USP18: variants seen among roughly 807,000 people sequenced by gnomAD.
The protein encoded by USP18 is ubl carboxyl-terminal hydrolase 18.
In USP18, 11 loss-of-function variants were observed where a neutral mutation model predicts 48.7. The observed-to-expected ratio is 0.23, with a 90% CI of 0.14 to 0.37. USP18 has a LOEUF of 0.37. Ranked by LOEUF, USP18 falls within the 10% of genes least tolerant of loss-of-function variation. USP18 has a pLI of 1.00. For synonymous variants in USP18, 114 were observed against 163.2 expected (o/e 0.70, Z 2.30); for missense variants, 285 against 436.4 (o/e 0.65, Z 3.09).
At chr22:18,165,569 A>C (rs1354466082) in intron 4 of USP18, among the ~76,000 whole-genome samples, 1 of 144,810 alleles carries the variant, frequency 6.9e-6, no homozygotes, top group African/African-American at 2.6e-5. Flanking sequence ...CCTTTCGCCT[A>C]CCCCTCTCCA....
rs117131445 is a variant in USP18 at position 18,163,964 on chromosome 22, C to A, written c.400+2029C>A. The stretch of plus-strand genomic sequence containing the variant: ...GAAAAGCTGGGAGCATGAGTTAATC[C>A]GCCACTTGCTCTGCAAAACGCTGGA... On this transcript the variant is annotated intron_variant, in intron 4 of 10. Coordinates refer to ENST00000215794, the MANE Select transcript of USP18 (RefSeq NM_017414.4). 3.2e-4 allele frequency among the ~76,000 whole-genome samples: 48 copies of A among 152,310 alleles called. 1 individual carries two copies. In the East Asian group the frequency reaches 9.3e-3, roughly 29 times the overall value.
At chr22:18,157,128 G>A (rs889455848) in intron 1 of USP18, among the ~76,000 whole-genome samples, 1 of 152,268 alleles carries the variant, frequency 6.6e-6, no homozygotes. Context: ...GGCCGGCAGT[G>A]TTGCGGGCCA....
In USP18 at chr22:18,168,042, G is replaced by C; in HGVS notation, c.627+6G>C. The C allele has an allele frequency of 1.2e-6, 2 of 1,613,878 alleles. No individual in the cohort carries two copies. Among genetic ancestry groups the C allele is most frequent in the Non-Finnish European group, 1.7e-6 (2 of 1,179,854 alleles). On this transcript the variant is annotated splice_donor_region_variant and intron_variant, in intron 6 of 10. Coordinates refer to ENST00000215794, the MANE Select transcript of USP18 (RefSeq NM_017414.4). Reference sequence around the variant, plus strand: ...CAAAGCCCCTGAAGACACTGGTAAGGGGATTCTCTTGGTATTTGCTGCCCC... The same window carrying C: ...CAAAGCCCCTGAAGACACTGGTAAGCGGATTCTCTTGGTATTTGCTGCCCC...
At chr22:18,172,197 G>A (rs1424490230) in intron 8 of USP18, among the ~76,000 whole-genome samples, 2 of 152,200 alleles carry the variant, frequency 1.3e-5, no homozygotes, top group African/African-American at 2.4e-5. Flanking sequence ...GGCTGTAACA[G>A]TTACCAAAAC....
chr22:18,160,584 A>G (rs751395381), intron 3 of USP18, among the ~76,000 whole-genome samples: 73 of 152,160 alleles, frequency 4.8e-4, no homozygotes, highest in Admixed American at 7.8e-4. Flanking sequence ...TTATAGGCGT[A>G]AGCCACTGCA....
intron 2 of USP18, 60 bp from the exon 3 acceptor site, chr22:18,160,112 C>T: frequency 6.5e-7 from 1 of 1,532,446 alleles, no homozygotes; most frequent in South Asian, 1.1e-5. Flanking sequence ...CCATGCCCAG[C>T]CTTGTCAACT....
chr22:18,162,489 G>A (rs1929359143), intron 4 of USP18, among the ~76,000 whole-genome samples: 1 of 149,702 alleles, frequency 6.7e-6, no homozygotes, highest in Admixed American at 6.7e-5. Context: ...ATAATACATT[G>A]CTTTTCTCTT....
intron 8 of USP18, among the ~76,000 whole-genome samples, chr22:18,172,559 AT>A (rs201688482): frequency 6.6e-6 from 1 of 151,088 alleles, no homozygotes; most frequent in Non-Finnish European, 1.5e-5. Flanking sequence ...TTGGTTGAAT[AT>A]TTTTTTCATA....
chr22:18,172,459 A>G (rs1384229072), intron 8 of USP18, among the ~76,000 whole-genome samples: 3 of 152,114 alleles, frequency 2.0e-5, no homozygotes, highest in Non-Finnish European at 4.4e-5. Flanking sequence ...TCTAGATCCA[A>G]ACAACGCCTA....
At chr22:18,173,008 A>T in intron 8 of USP18, 142 bp from the exon 9 acceptor site, 1 of 1,473,764 alleles carries the variant, frequency 6.8e-7, no homozygotes, top group Non-Finnish European at 9.1e-7. Context: ...CCCCTCCTGG[A>T]GGGTGCCCAC....
chr22:18,173,753 G>A (rs755055385), intron 9 of USP18, 40 bp from the exon 10 acceptor site: 18 of 1,605,372 alleles, frequency 1.1e-5, no homozygotes, highest in Non-Finnish European at 1.4e-5. Flanking sequence ...GGGTGCTTGT[G>A]TCAGCTGGCT....
Position 18,169,871 on chromosome 22 carries a change from C to T in USP18, c.655C>T (p.Pro219Ser), listed in dbSNP as rs772074777. The change falls in exon 7 of 11, where the codon CCC becomes TCC. Residue 219 changes from proline (P) to serine (S), a missense_variant. Physicochemically the swap from Pro to Ser is moderately conservative, Grantham distance 74. This residue lies in a region of USP18 where 34 missense variants were observed against 94.8 expected (regional missense o/e 0.36). Transcript: ENST00000215794. ...LEDALHCFFQ[P>S]RELSSKSKCF... ...GGACGCCCTGCACTGCTTCTTCCAG[C>T]CCAGGGAGTTATCAAGCAAAAGCAA... 5 of 1,605,442 alleles carry T rather than the reference C, an allele frequency of 3.1e-6. No homozygotes were observed. Among genetic ancestry groups the T allele is most frequent in the Middle Eastern group, 1.7e-4 (1 of 6,044 alleles).
intron 4 of USP18, among the ~76,000 whole-genome samples, chr22:18,162,257 G>A (rs1053827457): frequency 4.1e-5 from 6 of 147,686 alleles, no homozygotes; most frequent in African/African-American, 1.0e-4. Context: ...GAGAAAACAT[G>A]TTCTACAAAA....
chr22:18,166,553 G>A (rs1263283768), intron 4 of USP18, among the ~76,000 whole-genome samples: 3 of 151,122 alleles, frequency 2.0e-5, no homozygotes, highest in Non-Finnish European at 3.0e-5. Context: ...TGGCAACACT[G>A]GACATCAGAG....
chr22:18,156,499 A>T (rs1190986826), intron 1 of USP18, among the ~76,000 whole-genome samples: 1 of 151,768 alleles, frequency 6.6e-6, no homozygotes, highest in African/African-American at 2.4e-5. Context: ...TTCACTCCTG[A>T]AGCCAGCAAG....
At chr22:18,155,357 G>A (rs11705435) in intron 1 of USP18, among the ~76,000 whole-genome samples, 1,973 of 152,324 alleles carry the variant, frequency 0.013, 26 homozygotes, top group Non-Finnish European at 0.021. Flanking sequence ...AGGTGACAGC[G>A]TGCTGGCAGC....
chr22:18,155,274 A>G (rs1207228785), intron 1 of USP18, among the ~76,000 whole-genome samples: 4 of 152,170 alleles, frequency 2.6e-5, no homozygotes, highest in Admixed American at 6.5e-5. Flanking sequence ...GCCTGTGGGT[A>G]CTGGTCTAGT....
rs755294426 is a variant in USP18 at position 18,173,244 on chromosome 22, G to A, written c.986G>A (p.Gly329Glu). 3.1e-6 allele frequency: 5 copies of A among 1,603,668 alleles called. No homozygotes were observed. The African/African-American group carries it at 5.4e-5, about 17-fold the overall frequency. ...YCVYIRNAVD[G>E]KWFCFNDSNI... ...GTCTACATCCGGAATGCTGTGGATG[G>A]AAAATGGTTCTGCTTCAATGACTCC... Residue 329 changes from glycine (G) to glutamate (E), a missense_variant, in exon 9 of 11, where the codon GGA becomes GAA. Physicochemically the swap from Gly to Glu is moderately conservative, Grantham distance 98. This residue lies in a region of USP18 where 44 missense variants were observed against 64.4 expected (regional missense o/e 0.68). Transcript: ENST00000215794.
rs191382138 is a variant in USP18, at chr22:18,172,940, G to A, written c.892-210G>A. ...TCATGACCTGCCTTCCATCTCTTGC[G>A]TGCTCTGCCCTGCCAAGCTGCTGAG... On this transcript the variant is annotated intron_variant, in intron 8 of 10. Transcript: ENST00000215794. Among the ~76,000 whole-genome samples, 205 of 150,560 alleles carry A rather than the reference G, an allele frequency of 1.4e-3. 3 individuals carry two copies. The highest frequency in any genetic ancestry group is 5.9e-3 in the East Asian group (30 of 5,094).
Sources: gnomAD v4.1 joint callset for allele counts (sites outside exome capture counted in the v4.1 genomes callset) on GRCh38, gnomAD v4.1.1 for gene constraint, gnomAD v4.1.1 regional missense constraint, MANE v1.5 for transcripts, NCBI Gene and HGNC (gene_info 2026-07-23, HGNC 2026-07-21) for gene names.